KIF17: variants seen among roughly 807,000 people sequenced by gnomAD.
The protein encoded by KIF17 is kinesin-like protein KIF17.
KIF17 carries 80 observed loss-of-function variants against 96.8 expected under a neutral mutation model. The ratio of observed to expected loss-of-function variants is 0.83; its 90% CI spans 0.69 to 1.00. The LOEUF (loss-of-function observed/expected upper bound fraction) is 1.00. KIF17 is among the 50% of genes least tolerant of loss of function. The pLI, the probability that KIF17 is intolerant of heterozygous loss-of-function variation, is 0.00. For missense variants in KIF17, 1,280 were observed against 1,372.9 expected, an observed-to-expected ratio of 0.93 and a Z score of 1.07; for synonymous variants, 567 against 587.5, an observed-to-expected ratio of 0.97 and a Z score of 0.51.
chr1:20,705,893 C>CTTTTTTTT lies in KIF17; in HGVS notation c.671-1002_671-995dup, dbSNP rs747719983. On this transcript the variant is annotated intron_variant, in intron 4 of 14. Transcript: ENST00000400463. Reference sequence around the variant, plus strand: ...GTCTATAATCCTCAGTAGGATGTCTCTTTTTTTTTTTTTTTTTTTTTTTTT... The same window carrying CTTTTTTTT: ...GTCTATAATCCTCAGTAGGATGTCTCTTTTTTTTTTTTTTTTTTTTTTTTTTTTTTTTT... Among the ~76,000 whole-genome samples, 76 of 53,566 alleles carry CTTTTTTTT rather than the reference C, an allele frequency of 1.4e-3. 10 individuals are homozygous for CTTTTTTTT. Among genetic ancestry groups the CTTTTTTTT allele is most frequent in the Non-Finnish European group, 2.1e-3 (58 of 28,142 alleles). 35.1% of individuals were successfully genotyped at this position (53,566 alleles called of 152,430 possible).
chr1:20,683,064 C>T (rs1181454323), intron 10 of KIF17, among the ~76,000 whole-genome samples, 180 bp from the exon 11 acceptor site: 1 of 152,188 alleles, frequency 6.6e-6, no homozygotes, highest in Admixed American at 6.5e-5. Flanking sequence ...AACCAGGATT[C>T]CTGCCCAACT....
At chr1:20,679,173 C>G (rs1330729684) in intron 11 of KIF17, among the ~76,000 whole-genome samples, 1 of 151,944 alleles carries the variant, frequency 6.6e-6, no homozygotes, top group Non-Finnish European at 1.5e-5. Flanking sequence ...GGTGCAGTGG[C>G]ATGCGCCTGC....
rs2054216837 is a variant in KIF17, at chr1:20,700,586, G to A, written c.1124-2098C>T. 6.6e-6 allele frequency among the ~76,000 whole-genome samples: 1 copy of A among 152,198 alleles called. No individual in the cohort carries two copies. Among genetic ancestry groups the A allele is most frequent in the African/African-American group, 2.4e-5 (1 of 41,444 alleles). ...TTGGGTTTGAAATGCTTATTACACA[G>A]CTACAGATTCAAGTCCGGAATTCAG... is the stretch of plus-strand genomic sequence containing the variant. On this transcript the variant is annotated intron_variant, in intron 5 of 14. Transcript: ENST00000400463. The surrounding 1 kb of genome is among the most constrained non-coding windows in gnomAD (Gnocchi z 4.6).
chr1:20,686,013 G>C, intron 9 of KIF17, 33 bp downstream of exon 9: 13 of 1,517,266 alleles, frequency 8.6e-6, no homozygotes, highest in Non-Finnish European at 1.2e-5. Context: ...AGAGAACCCC[G>C]TCCCCCACAT....
At chr1:20,717,337 C>T in intron 1 of KIF17, 139 bp downstream of exon 1, 1 of 917,956 alleles carries the variant, frequency 1.1e-6, no homozygotes, top group Non-Finnish European at 1.6e-6. Context: ...GGACAAAAGC[C>T]TCCGGACCTA....
chr1:20,708,937 G>C (rs2054389585), intron 4 of KIF17, among the ~76,000 whole-genome samples: 1 of 152,190 alleles, frequency 6.6e-6, no homozygotes, highest in South Asian at 2.1e-4. Context: ...CACAAGGTTG[G>C]AGTGACACAC....
intron 1 of KIF17, among the ~76,000 whole-genome samples, chr1:20,716,855 G>A (rs2054586832): frequency 6.6e-6 from 1 of 152,200 alleles, no homozygotes; most frequent in Non-Finnish European, 1.5e-5. Flanking sequence ...CCCTTGCAGA[G>A]CTCATGAGCT....
chr1:20,712,460 G>A (rs1352514263), intron 3 of KIF17, among the ~76,000 whole-genome samples: 1 of 148,782 alleles, frequency 6.7e-6, no homozygotes, highest in Non-Finnish European at 1.5e-5. Context: ...GCTACCGGGG[G>A]CGCTGAGGTG....
rs1227199524 is a variant in KIF17, at chr1:20,672,600, C to T, written c.2464-404G>A. Among the ~76,000 whole-genome samples the T allele has an allele frequency of 2.0e-5, 3 of 152,190 alleles. No homozygotes were observed. The highest frequency in any genetic ancestry group is 4.4e-5 in the Non-Finnish European group (3 of 68,038). ...CCAACACCACCGTTCTAAAGGATAT[C>T]AGAGAATTGCACAAGTGACATCTCT... On this transcript the variant is annotated intron_variant, in intron 11 of 14. Coordinates refer to ENST00000400463, the MANE Select transcript of KIF17 (RefSeq NM_001122819.3). This position sits in a 1 kb window ranked among gnomAD's most constrained non-coding sequence, Gnocchi z 4.3.
rs2154535748 is a variant in KIF17 at position 20,682,772 on chromosome 1, C to T, written c.2344G>A (p.Val782Met). The T allele has an allele frequency of 1.2e-6, 2 of 1,613,000 alleles. No individual in the cohort carries two copies. The highest frequency in any genetic ancestry group is 1.7e-6 in the Non-Finnish European group (2 of 1,180,026). Reference sequence around the variant, plus strand: ...TCATCCGAGTTCTGCAGGGCAGCCACCAGCTGCTTCCTGCGCTCGTCTGCG... The same window carrying T: ...TCATCCGAGTTCTGCAGGGCAGCCATCAGCTGCTTCCTGCGCTCGTCTGCG... ...RYADERRKQL[V>M]AALQNSDEDS... The change falls in exon 11 of 15, where the codon GTG becomes ATG. Residue 782 changes from valine to methionine, a missense_variant. Val to Met is a conservative substitution (Grantham distance 21). Coordinates refer to ENST00000400463, the MANE Select transcript of KIF17 (RefSeq NM_001122819.3).
At chr1:20,698,568 G>C in intron 5 of KIF17, 80 bp from the exon 6 acceptor site, 1 of 902,044 alleles carries the variant, frequency 1.1e-6, no homozygotes, top group Non-Finnish European at 1.8e-6. Flanking sequence ...ATAAAAAGAC[G>C]ACCTCATGGT....
chr1:20,688,033 T>G lies in KIF17; in HGVS notation c.1382-89A>C. ...GGTGGCTCCAAGCCCAGTGTGTTGTTTTTTTTGTTTGTTTTTTTTTTGTTT... is the reference window on the plus strand; with the variant it reads ...GGTGGCTCCAAGCCCAGTGTGTTGTGTTTTTTGTTTGTTTTTTTTTTGTTT... On this transcript the variant is annotated intron_variant, in intron 7 of 14. Coordinates refer to ENST00000400463, the MANE Select transcript of KIF17 (RefSeq NM_001122819.3). The G allele has an allele frequency of 4.3e-6, 5 of 1,168,622 alleles. No homozygotes were observed. The South Asian group carries it at 6.6e-5, about 15-fold the overall frequency. The allele number at this position is 1,168,622 out of a possible 1,614,324, so 72.4% of individuals were successfully genotyped here.
chr1:20,716,003 T>C (rs975519680), intron 1 of KIF17, among the ~76,000 whole-genome samples: 2 of 152,154 alleles, frequency 1.3e-5, no homozygotes, highest in African/African-American at 4.8e-5. Context: ...TCCCAGCACT[T>C]TGGAAGGCTG....
At chr1:20,684,351 C>G (rs2053891595) in intron 10 of KIF17, among the ~76,000 whole-genome samples, 2 of 152,216 alleles carry the variant, frequency 1.3e-5, no homozygotes, top group Admixed American at 6.5e-5. Context: ...GTCGGGCTGA[C>G]ATCATCATTA....
rs560007945 is a variant in KIF17, at chr1:20,698,869, A to T, written c.1124-381T>A. On this transcript the variant is annotated intron_variant, in intron 5 of 14. Transcript: ENST00000400463. ...AAATAAGCAAAATGGGTAACACGTT[A>T]CAAGGCGATGTGTACTGAGAAGAAA... 3.9e-5 allele frequency among the ~76,000 whole-genome samples: 6 copies of T among 152,344 alleles called. No individual in the cohort carries two copies. In the South Asian group the frequency reaches 6.2e-4, roughly 16 times the overall value.
intron 13 of KIF17, among the ~76,000 whole-genome samples, chr1:20,668,100 G>A (rs1463291849): frequency 6.6e-6 from 1 of 151,818 alleles, no homozygotes; most frequent in African/African-American, 2.4e-5. Context: ...CACGAGGTCA[G>A]GAGATTGAGA....
In KIF17 at chr1:20,687,697, CG is replaced by C. The variant is rs770993075; in HGVS notation, c.1628del (p.Ser543CysfsTer68). The C allele has an allele frequency of 4.5e-5, 72 of 1,614,040 alleles. No homozygotes were observed. Among genetic ancestry groups the C allele is most frequent in the Non-Finnish European group, 5.7e-5 (67 of 1,180,044 alleles). ...CCTCGGACACAGAGGTTTCTTCGAG[CG>C]AGGATGACTCACTGGAGCCCAGAGA... ...EISLGSSESS[S>X]LEETSVSEAF... On this transcript the variant is annotated frameshift_variant, in exon 8 of 15. Coordinates refer to ENST00000400463, the MANE Select transcript of KIF17 (RefSeq NM_001122819.3). LOFTEE classifies it high-confidence loss of function. The surrounding 1 kb of genome is among the most constrained non-coding windows in gnomAD (Gnocchi z 4.4).
intron 2 of KIF17, 97 bp from the exon 3 acceptor site, chr1:20,713,652 A>T: frequency 1.1e-6 from 1 of 878,464 alleles, no homozygotes; most frequent in Non-Finnish European, 1.8e-6. Flanking sequence ...CCACCAGGAC[A>T]TCATGGGAGG....
chr1:20,715,521 G>T lies in KIF17; in HGVS notation c.350C>A (p.Ala117Asp), dbSNP rs760824096. 8 of 1,613,464 alleles carry T rather than the reference G, an allele frequency of 5.0e-6. No individual in the cohort carries two copies. The South Asian group carries it at 8.8e-5, about 18-fold the overall frequency. Residue 117 changes from alanine (A) to aspartate (D), a missense_variant, in exon 2 of 15, where the codon GCC becomes GAC. Coordinates refer to ENST00000400463, the MANE Select transcript of KIF17 (RefSeq NM_001122819.3). ...PPSQRGIIPR[A>D]FEHVFESVQC... ...GACGCTCTCGAACACGTGCTCGAAG[G>T]CCCTGGGGATGATGCCTCTCTGGGA...
Sources: gnomAD v4.1 joint callset for allele counts (sites outside exome capture counted in the v4.1 genomes callset) on GRCh38, gnomAD v4.1.1 for gene constraint, Gnocchi (gnomAD v3.1) non-coding constraint, MANE v1.5 for transcripts, NCBI Gene and HGNC (gene_info 2026-07-23, HGNC 2026-07-21) for gene names.